Variants in HIPK1 observed in about 807,000 individuals in gnomAD.
HIPK1 encodes homeodomain-interacting protein kinase 1.
In HIPK1, 28 loss-of-function variants were observed where a neutral mutation model predicts 117.1. That is an observed-to-expected ratio of 0.24 (90% CI 0.18 to 0.33). HIPK1 has a LOEUF of 0.33. Among genes scored for constraint, HIPK1 ranks in the 10% least tolerant of loss-of-function variants. The pLI is 1.00. For missense variants in HIPK1, 1,122 were observed against 1,475.1 expected, an observed-to-expected ratio of 0.76 and a Z score of 3.92; for synonymous variants, 605 against 562.5, an observed-to-expected ratio of 1.08 and a Z score of -1.07.
rs745631529 is a variant in HIPK1 at position 113,952,904 on chromosome 1, T to C, written c.1200+15T>C. On this transcript the variant is annotated intron_variant, in intron 3 of 15. Coordinates refer to ENST00000426820, the MANE Select transcript of HIPK1 (RefSeq NM_198268.3). Reference sequence around the variant, plus strand: ...AATATGATCAGGTAAAAGTGTTTATTTGAATGGAAATAGAATGCAAATAGT... The same window carrying C: ...AATATGATCAGGTAAAAGTGTTTATCTGAATGGAAATAGAATGCAAATAGT... 6.8e-7 allele frequency: 1 copy of C among 1,475,780 alleles called. No individual in the cohort carries two copies. The highest frequency in any genetic ancestry group is 1.5e-5 in the South Asian group (1 of 68,344). 91.4% of individuals were successfully genotyped at this position (1,475,780 alleles called of 1,614,324 possible). A position where few individuals can be genotyped will look rare whatever the true frequency, so the allele number is the denominator to read the frequency against.
At chr1:113,956,453 G>T (rs1671734056) in intron 5 of HIPK1, among the ~76,000 whole-genome samples, 174 bp from the exon 6 acceptor site, 1 of 152,122 alleles carries the variant, frequency 6.6e-6, no homozygotes, top group Non-Finnish European at 1.5e-5. Flanking sequence ...TAATTAAACA[G>T]CATAAAAAGA....
At position 113,957,054 on chromosome 1, in the gene HIPK1, T is replaced by G. The variant is rs1371612036; in HGVS notation, c.1593-70T>G. On this transcript the variant is annotated intron_variant, in intron 6 of 15. Transcript: ENST00000426820. The stretch of plus-strand genomic sequence containing the variant: ...TGGGAAAAAAAGCTTTGATCCATGT[T>G]CATCTTGAGTTATTTGCTGTCTGTT... 2.3e-6 allele frequency: 3 copies of G among 1,281,742 alleles called. No individual in the cohort carries two copies. In the African/African-American group the frequency reaches 4.5e-5, roughly 19 times the overall value. The allele number at this position is 1,281,742 out of a possible 1,614,324, so 79.4% of individuals were successfully genotyped here.
intron 13 of HIPK1, among the ~76,000 whole-genome samples, chr1:113,969,681 A>G (rs7554371): frequency 0.8 from 121,516 of 152,114 alleles, 49,463 homozygotes; most frequent in East Asian, 0.99. Context: ...AGGCCAAAGC[A>G]GGAAGATCAC....
chr1:113,958,488 C>G (rs1671874180), intron 8 of HIPK1, among the ~76,000 whole-genome samples, 197 bp downstream of exon 8: 1 of 152,174 alleles, frequency 6.6e-6, no homozygotes, highest in Admixed American at 6.5e-5. Flanking sequence ...CTATCTGATG[C>G]ATTGTAAGAG....
chr1:113,959,514 CT>C (rs1242748160), intron 8 of HIPK1, among the ~76,000 whole-genome samples: 1 of 152,168 alleles, frequency 6.6e-6, no homozygotes, highest in Non-Finnish European at 1.5e-5. Context: ...AGATTAGCCA[CT>C]TTTTTCACCA....
intron 2 of HIPK1, among the ~76,000 whole-genome samples, chr1:113,949,857 CCCAAA>C (rs2101262204): frequency 6.6e-6 from 1 of 152,250 alleles, no homozygotes; most frequent in Admixed American, 6.5e-5. Context: ...TCCTCGGCCT[CCCAAA>C]GTGCTTGTAT....
chr1:113,929,461 C>T lies in HIPK1; in HGVS notation c.-74C>T. ...CCTACGGAGGCCCACCTACTCGAGGCCCACCGACTCCTACTGCAATCAGTA... is the reference window on the plus strand; with the variant it reads ...CCTACGGAGGCCCACCTACTCGAGGTCCACCGACTCCTACTGCAATCAGTA... On this transcript the variant is annotated 5_prime_UTR_variant, in exon 1 of 16. Transcript: ENST00000426820. 1.3e-5 allele frequency: 17 copies of T among 1,289,356 alleles called. No homozygotes were observed. The highest frequency in any genetic ancestry group is 1.6e-5 in the Non-Finnish European group (16 of 988,840). The allele number at this position is 1,289,356 out of a possible 1,614,324, so 79.9% of individuals were successfully genotyped here.
At chr1:113,962,460 A>G (rs1285960908) in intron 9 of HIPK1, 22 bp downstream of exon 9, 8 of 1,610,622 alleles carry the variant, frequency 5.0e-6, no homozygotes, top group African/African-American at 2.7e-5. Flanking sequence ...AGCAATGTGG[A>G]TACTCAGTAT....
Position 113,956,824 on chromosome 1 carries a change from T to G in HIPK1, c.1592+13T>G, listed in dbSNP as rs369465722. The G allele has an allele frequency of 5.0e-6, 8 of 1,611,444 alleles. No individual in the cohort carries two copies. The South Asian group carries it at 8.8e-5, about 18-fold the overall frequency. ...CACATAGCAATCAGTGAGTATGGAATATTCTGGGGCTTTTGCCATGTGGTT... is the reference window on the plus strand; with the variant it reads ...CACATAGCAATCAGTGAGTATGGAAGATTCTGGGGCTTTTGCCATGTGGTT... On this transcript the variant is annotated intron_variant, in intron 6 of 15. Coordinates refer to ENST00000426820, the MANE Select transcript of HIPK1 (RefSeq NM_198268.3).
At position 113,963,464 on chromosome 1, in the gene HIPK1, T is replaced by C. The variant is rs1264160087; in HGVS notation, c.2181T>C (p.Phe727=). Residue 727 remains phenylalanine (F), a synonymous_variant, in exon 10 of 16, where the codon TTT becomes TTC. Transcript: ENST00000426820. The part of the protein sequence containing the change: ...ATITPQYAVP[F]TLSCAAGRPA... The stretch of plus-strand genomic sequence containing the variant: ...TCACACCGCAGTATGCGGTGCCCTT[T>C]ACTCTGAGCTGCGCAGCCGGCCGGC... The C allele has an allele frequency of 6.2e-7, 1 of 1,614,190 alleles. No homozygotes were observed. Among genetic ancestry groups the C allele is most frequent in the Non-Finnish European group, 8.5e-7 (1 of 1,180,016 alleles).
At chr1:113,968,669 C>A in intron 13 of HIPK1, 21 bp downstream of exon 13, 1 of 1,595,384 alleles carries the variant, frequency 6.3e-7, no homozygotes, top group South Asian at 1.1e-5. Context: ...TGAATGGTTC[C>A]TGGCTCTATT....
chr1:113,929,792 C>T (rs1669717954), intron 1 of HIPK1: 1 of 811,632 alleles, frequency 1.2e-6, no homozygotes, highest in Non-Finnish European at 1.4e-6. Context: ...GGGACGGGCG[C>T]GGGGACGGCT....
chr1:113,931,387 C>T (rs1669887530), intron 1 of HIPK1, among the ~76,000 whole-genome samples: 1 of 152,130 alleles, frequency 6.6e-6, no homozygotes, highest in Non-Finnish European at 1.5e-5. Flanking sequence ...CTTTAAGATA[C>T]TGTTCCTGGC....
At chr1:113,942,700 T>C (rs753825337) in intron 2 of HIPK1, among the ~76,000 whole-genome samples, 1 of 152,210 alleles carries the variant, frequency 6.6e-6, no homozygotes, top group Non-Finnish European at 1.5e-5. Context: ...TAATATATAA[T>C]AATTATTGGG....
chr1:113,931,639 GA>G (rs894733694), intron 1 of HIPK1, among the ~76,000 whole-genome samples: 11 of 150,132 alleles, frequency 7.3e-5, no homozygotes, highest in African/African-American at 2.4e-4. Flanking sequence ...CCTTCTAAAA[GA>G]AAAAAAAAGA....
At chr1:113,969,864 T>C (rs1227856263) in intron 13 of HIPK1, 92 bp from the exon 14 acceptor site, 4 of 1,403,050 alleles carry the variant, frequency 2.9e-6, no homozygotes, top group Non-Finnish European at 4.0e-6. Context: ...CTGTGATCAC[T>C]CCACTGCACT....
rs375745637 is a variant in HIPK1, at chr1:113,973,321, C to T, written c.3442C>T (p.His1148Tyr). Reference protein sequence around the residue: ...SSRHAAAYTTHPSTLVHQVPV... With the variant: ...SSRHAAAYTTYPSTLVHQVPV... ...AAGGCATGCTGCAGCCTATACCACT[C>T]ACCCTAGCACTTTGGTGCACCAGGT... Residue 1148 changes from histidine to tyrosine, a missense_variant, in exon 16 of 16, where the codon CAC (histidine) becomes TAC (tyrosine). Transcript: ENST00000426820. 1 of 1,614,054 alleles carries T rather than the reference C, an allele frequency of 6.2e-7. No homozygotes were observed. The highest frequency in any genetic ancestry group is 1.3e-5 in the African/African-American group (1 of 74,922).
At chr1:113,952,600 C>T (rs1225392524) in intron 2 of HIPK1, among the ~76,000 whole-genome samples, 166 bp from the exon 3 acceptor site, 5 of 152,186 alleles carry the variant, frequency 3.3e-5, no homozygotes, top group Admixed American at 6.5e-5. Flanking sequence ...TTCCAAAACA[C>T]ATCTGGCCCT....
rs768973669 is a variant in HIPK1, at chr1:113,952,718, C to G, written c.1077-48C>G. 14 of 1,307,716 alleles carry G rather than the reference C, an allele frequency of 1.1e-5. No homozygotes were observed. In the South Asian group the frequency reaches 2.6e-4, roughly 24 times the overall value. 81.0% of individuals were successfully genotyped at this position (1,307,716 alleles called of 1,614,324 possible). ...GACTTAGTCATGTAGTTAATTTTCC[C>G]AAATAATGTTTTTTTTTTTTTAATC... On this transcript the variant is annotated intron_variant, in intron 2 of 15. Coordinates refer to ENST00000426820, the MANE Select transcript of HIPK1 (RefSeq NM_198268.3).
Sources: gnomAD v4.1 joint callset for allele counts (sites outside exome capture counted in the v4.1 genomes callset) on GRCh38, gnomAD v4.1.1 for gene constraint, MANE v1.5 for transcripts, NCBI Gene and HGNC (gene_info 2026-07-23, HGNC 2026-07-21) for gene names.